The following CAPZA2 variants were observed in gnomAD, a reference collection of about 807,000 sequenced individuals.
CAPZA2 encodes capping actin protein of muscle Z-line subunit alpha 2.
Under a neutral mutation model 44.0 loss-of-function variants are expected in CAPZA2, and 13 were observed. The observed-to-expected ratio is 0.30, with a 90% CI of 0.19 to 0.47. The LOEUF (loss-of-function observed/expected upper bound fraction) is 0.47, where lower values mean the gene tolerates loss of function less well. Among genes scored for constraint, CAPZA2 ranks in the 20% least tolerant of loss-of-function variants. CAPZA2 has a pLI of 1.00. For missense variants in CAPZA2, 244 were observed against 338.6 expected, an observed-to-expected ratio of 0.72 and a Z score of 2.19; for synonymous variants, 94 against 108.2, an observed-to-expected ratio of 0.87 and a Z score of 0.81.
In CAPZA2 at chr7:116,865,225, A is replaced by T. The variant is rs142978225; in HGVS notation, c.39+2575A>T. 6.8e-3 allele frequency among the ~76,000 whole-genome samples: 820 copies of T among 120,304 alleles called. 4 individuals are homozygous for T. Among genetic ancestry groups the T allele is most frequent in the Non-Finnish European group, 0.01 (636 of 63,464 alleles). 78.9% of individuals were successfully genotyped at this position (120,304 alleles called of 152,430 possible). A position where few individuals can be genotyped will look rare whatever the true frequency, so the allele number is the denominator to read the frequency against. On this transcript the variant is annotated intron_variant, in intron 1 of 9. Coordinates refer to ENST00000361183, the MANE Select transcript of CAPZA2 (RefSeq NM_006136.3). ...TTTTGATACAGAGTCCCACTCTGTC[A>T]CGCAGGCTGGAGTGCAGTGGTGCAA...
At position 116,912,133 on chromosome 7, in the gene CAPZA2, C is replaced by G; in HGVS notation, c.650C>G (p.Thr217Arg). 1.9e-6 allele frequency: 3 copies of G among 1,612,798 alleles called. No homozygotes were observed. Among genetic ancestry groups the G allele is most frequent in the Non-Finnish European group, 2.5e-6 (3 of 1,179,242 alleles). The change falls in exon 8 of 10, where the codon ACA becomes AGA. Residue 217 changes from threonine (T) to arginine (R), a missense_variant. Transcript: ENST00000361183. ...VSHKDIQDSL[T>R]VSNEVQTAKE... The stretch of plus-strand genomic sequence containing the variant: ...CATAAAGATATACAAGATTCCCTAA[C>G]AGTGTCTGTAAGTAATTAATTCCAC...
rs935846208 is a variant in CAPZA2, at chr7:116,919,339, T to G, written c.*1472T>G. On this transcript the variant is annotated 3_prime_UTR_variant, in exon 10 of 10. Coordinates refer to ENST00000361183, the MANE Select transcript of CAPZA2 (RefSeq NM_006136.3). ...GGGATTCCTAAAGAAAATGAATTGG[T>G]AACATTAATTATCTGTTCCTTTTTA... 3.9e-5 allele frequency: 6 copies of G among 152,516 alleles called. No individual in the cohort carries two copies. Among genetic ancestry groups the G allele is most frequent in the African/African-American group, 1.2e-4 (5 of 41,404 alleles). 9.4% of individuals were successfully genotyped at this position (152,516 alleles called of 1,614,324 possible).
chr7:116,907,634 A>G (rs1377768038), intron 6 of CAPZA2, among the ~76,000 whole-genome samples: 1 of 152,136 alleles, frequency 6.6e-6, no homozygotes, highest in African/African-American at 2.4e-5. Context: ...AATGAAGAAA[A>G]TGTCTGTCCT....
At chr7:116,885,491 A>G (rs1044575239) in intron 1 of CAPZA2, among the ~76,000 whole-genome samples, 1 of 151,978 alleles carries the variant, frequency 6.6e-6, no homozygotes, top group Non-Finnish European at 1.5e-5. Flanking sequence ...AATACCATCT[A>G]CCTGGAGATA....
Position 116,917,740 on chromosome 7 carries a change from A to G in CAPZA2, c.734A>G (p.Glu245Gly), listed in dbSNP as rs1269372982. The G allele has an allele frequency of 6.2e-7, 1 of 1,607,368 alleles. No homozygotes were observed. The highest frequency in any genetic ancestry group is 1.1e-5 in the South Asian group (1 of 90,964). ...TGTTTTTCATAGACTGCCATCAGTGAGAATTATCAGACAATGTCGGACACT... is the reference window on the plus strand; with the variant it reads ...TGTTTTTCATAGACTGCCATCAGTGGGAATTATCAGACAATGTCGGACACT... ...AENEYQTAIS[E>G]NYQTMSDTTF... is the part of the protein sequence containing the mutation. Residue 245 changes from glutamate (E) to glycine (G), a missense_variant, in exon 10 of 10, where the codon GAG becomes GGG. Coordinates refer to ENST00000361183, the MANE Select transcript of CAPZA2 (RefSeq NM_006136.3).
chr7:116,867,345 C>T (rs1202590704), intron 1 of CAPZA2, among the ~76,000 whole-genome samples: 1 of 152,288 alleles, frequency 6.6e-6, no homozygotes, highest in East Asian at 1.9e-4. Context: ...CTAGACTAAT[C>T]CCTCCTGTTT....
intron 1 of CAPZA2, among the ~76,000 whole-genome samples, chr7:116,877,605 T>C (rs1361222501): frequency 1.3e-5 from 2 of 152,248 alleles, no homozygotes; most frequent in African/African-American, 4.8e-5. Flanking sequence ...TTATCTCATT[T>C]ACTGCTAGTG....
chr7:116,869,590 G>A (rs184175494), intron 1 of CAPZA2, among the ~76,000 whole-genome samples: 12 of 152,290 alleles, frequency 7.9e-5, no homozygotes, highest in African/African-American at 2.9e-4. Context: ...CTTGTTTAGT[G>A]GTACATAAAG....
At chr7:116,890,909 TTTTAGAA>T (rs1796839160) in intron 2 of CAPZA2, among the ~76,000 whole-genome samples, 1 of 151,596 alleles carries the variant, frequency 6.6e-6, no homozygotes, top group Non-Finnish European at 1.5e-5. Context: ...AGCCACAAAA[TTTTAGAA>T]TTACAAAGTT....
Position 116,917,781 on chromosome 7 carries a change from C to T in CAPZA2, c.775C>T (p.Arg259Cys). Reference protein sequence around the residue: ...TMSDTTFKALRRQLPVTRTKI... With the variant: ...TMSDTTFKALCRQLPVTRTKI... ...GTCGGACACTACTTTCAAAGCCTTA[C>T]GTCGACAGTTGCCAGTTACACGCAC... Residue 259 changes from arginine to cysteine, a missense_variant, in exon 10 of 10, where the codon CGT becomes TGT. Coordinates refer to ENST00000361183, the MANE Select transcript of CAPZA2 (RefSeq NM_006136.3). The T allele has an allele frequency of 6.2e-7, 1 of 1,607,308 alleles. No homozygotes were observed. The highest frequency in any genetic ancestry group is 8.5e-7 in the Non-Finnish European group (1 of 1,173,802).
intron 3 of CAPZA2, among the ~76,000 whole-genome samples, chr7:116,893,941 G>A (rs911166824): frequency 6.6e-6 from 1 of 152,146 alleles, no homozygotes; most frequent in African/African-American, 2.4e-5. Context: ...TCTAGAGACT[G>A]TTATTTTAGG....
chr7:116,906,362 A>T lies in CAPZA2; in HGVS notation c.506+20A>T. On this transcript the variant is annotated intron_variant, in intron 6 of 9. Transcript: ENST00000361183. The stretch of plus-strand genomic sequence containing the variant: ...TTTTTGGTAAGTTAAAATTTTGGAT[A>T]TTGGGGAGTTTTGGCATTGTTTTAA... 1 of 1,609,224 alleles carries T rather than the reference A, an allele frequency of 6.2e-7. No homozygotes were observed. The highest frequency in any genetic ancestry group is 1.1e-5 in the South Asian group (1 of 90,298).
chr7:116,916,002 A>T (rs1791674266), intron 8 of CAPZA2, 58 bp from the exon 9 acceptor site: 1 of 1,165,194 alleles, frequency 8.6e-7, no homozygotes, highest in Non-Finnish European at 1.2e-6. Context: ...CATATATTTT[A>T]AAATAATAGT....
At chr7:116,897,759 T>A (rs1187922026) in intron 3 of CAPZA2, among the ~76,000 whole-genome samples, 1 of 152,178 alleles carries the variant, frequency 6.6e-6, no homozygotes, top group Non-Finnish European at 1.5e-5. Flanking sequence ...TTTACTCTTA[T>A]GGAGTAGATA....
At chr7:116,872,647 G>A (rs1403153956) in intron 1 of CAPZA2, among the ~76,000 whole-genome samples, 5 of 152,162 alleles carry the variant, frequency 3.3e-5, no homozygotes, top group African/African-American at 7.2e-5. Context: ...TTTTTCCTCC[G>A]GTTTTACCTC....
In CAPZA2 at chr7:116,918,704, AT is replaced by A; in HGVS notation, c.*838del. On this transcript the variant is annotated 3_prime_UTR_variant, in exon 10 of 10. Transcript: ENST00000361183. ...TTGGATTGAAAAGTACTGAAATTCA[AT>A]GTGACATTAAAATGCAAATTTTCCT... 1 of 152,416 alleles carries A rather than the reference AT, an allele frequency of 6.6e-6. No homozygotes were observed. The highest frequency in any genetic ancestry group is 3.4e-3 in the Middle Eastern group (1 of 294). 9.4% of individuals were successfully genotyped at this position (152,416 alleles called of 1,614,324 possible).
intron 1 of CAPZA2, chr7:116,886,236 G>A (rs1278734761): frequency 6.5e-6 from 1 of 153,872 alleles, no homozygotes; most frequent in Non-Finnish European, 1.5e-5. Context: ...AAGTAGAGGA[G>A]ATTAGGTAAC....
At chr7:116,870,439 A>G (rs1016357541) in intron 1 of CAPZA2, among the ~76,000 whole-genome samples, 1 of 152,204 alleles carries the variant, frequency 6.6e-6, no homozygotes, top group Non-Finnish European at 1.5e-5. Flanking sequence ...CTTTTACAAT[A>G]AGAGATGCAA....
chr7:116,892,079 T>C (rs1796853379), intron 2 of CAPZA2, among the ~76,000 whole-genome samples: 1 of 152,240 alleles, frequency 6.6e-6, no homozygotes, highest in South Asian at 2.1e-4. Flanking sequence ...AATTTTTCTC[T>C]TCCTGTTTAT....
Sources: allele counts gnomAD v4.1 joint callset (sites outside exome capture counted in the v4.1 genomes callset), GRCh38; gene constraint gnomAD v4.1.1; transcripts MANE v1.5; gene names NCBI Gene and HGNC (gene_info 2026-07-23, HGNC 2026-07-21).